Variants in LYZL6 observed in about 807,000 individuals in gnomAD.
LYZL6 encodes lysozyme like 6, also known as lysozyme-like protein 6.
In LYZL6, 21 loss-of-function variants were observed where a neutral mutation model predicts 15.0. That is an observed-to-expected ratio of 1.40 (90% CI 1.00 to 2.02). LYZL6 has a LOEUF of 2.02. LYZL6 is among the 30% of genes most tolerant of loss of function. The pLI is 0.00. For synonymous variants in LYZL6, 72 were observed against 67.8 expected (o/e 1.06, Z -0.31); for missense variants, 173 against 180.5 (o/e 0.96, Z 0.24).
chr17:35,934,808 G>C lies in LYZL6; in HGVS notation c.435C>G (p.Cys145Trp). The change falls in exon 5 of 5, where the codon TGC (cysteine) becomes TGG (tryptophan). Residue 145 changes from cysteine to tryptophan, a missense_variant. Coordinates refer to ENST00000615905, the MANE Select transcript of LYZL6 (RefSeq NM_020426.4). The stretch of plus-strand genomic sequence containing the variant: ...CCCGCACCCTGTTTCATCTCAGGCG[G>C]CATCCTGTCAGCCAGTAGAAGAGTG... ...GRPLFYWLTG[C>W]RLR is the part of the protein sequence containing the mutation. 1 of 1,614,110 alleles carries C rather than the reference G, an allele frequency of 6.2e-7. No homozygotes were observed. The highest frequency in any genetic ancestry group is 8.5e-7 in the Non-Finnish European group (1 of 1,179,992).
chr17:35,934,671 G>C lies in LYZL6; in HGVS notation c.*125C>G. ...CCATTTATTCCTGGGGCTCTGGTCA[G>C]TTTTAGTTGTAAATGGGAAGGGAAG... On this transcript the variant is annotated 3_prime_UTR_variant, in exon 5 of 5. Coordinates refer to ENST00000615905, the MANE Select transcript of LYZL6 (RefSeq NM_020426.4). The C allele has an allele frequency of 1.1e-6, 1 of 915,432 alleles. No individual in the cohort carries two copies. The highest frequency in any genetic ancestry group is 1.7e-6 in the Non-Finnish European group (1 of 588,146). 56.7% of individuals were successfully genotyped at this position (915,432 alleles called of 1,614,324 possible).
chr17:35,936,658 C>CA, intron 4 of LYZL6, 97 bp downstream of exon 4: 1 of 983,574 alleles, frequency 1.0e-6, no homozygotes, highest in African/African-American at 1.6e-5. Flanking sequence ...CTAGACACTG[C>CA]AAGGGCGTGC....
intron 1 of LYZL6, among the ~76,000 whole-genome samples, chr17:35,940,380 T>G (rs2089416500): frequency 6.6e-6 from 1 of 152,186 alleles, no homozygotes; most frequent in South Asian, 2.1e-4. Flanking sequence ...ATGTCTGGAT[T>G]ATCTTGCTGT....
intron 4 of LYZL6, among the ~76,000 whole-genome samples, chr17:35,935,809 G>A (rs997821388): frequency 1.3e-4 from 19 of 149,308 alleles, no homozygotes; most frequent in African/African-American, 3.0e-4. Flanking sequence ...ACTGCGCCCA[G>A]CCGCCACATT....
At chr17:35,935,987 G>GT (rs763846516) in intron 4 of LYZL6, among the ~76,000 whole-genome samples, 24 of 150,314 alleles carry the variant, frequency 1.6e-4, no homozygotes, top group Non-Finnish European at 3.1e-4. Context: ...CTAATTTTTT[G>GT]TATTTTTAAC....
At chr17:35,938,716 T>TA (rs1163438267) in intron 2 of LYZL6, among the ~76,000 whole-genome samples, 1 of 151,284 alleles carries the variant, frequency 6.6e-6, no homozygotes, top group African/African-American at 2.4e-5. Context: ...AAAAGGGAGA[T>TA]ATCCCTTCCA....
At position 35,936,818 on chromosome 17, in the gene LYZL6, T is replaced by G; in HGVS notation, c.314A>C (p.Asn105Thr). The G allele has an allele frequency of 6.2e-7, 1 of 1,613,522 alleles. No individual in the cohort carries two copies. The highest frequency in any genetic ancestry group is 8.5e-7 in the Non-Finnish European group (1 of 1,179,938). The change falls in exon 4 of 5, where the codon AAC becomes ACC. Residue 105 changes from asparagine (N) to threonine (T), a missense_variant. By Grantham distance (65) the Asn-to-Thr change is moderately conservative. Transcript: ENST00000615905. ...HVDCQDLLNP[N>T]LLAGIHCAKR... Reference sequence around the variant, plus strand: ...TGCGCAGTGGATGCCTGCAAGAAGGTTGGGATTCAGCAGATCTGAAAGGGA... The same window carrying G: ...TGCGCAGTGGATGCCTGCAAGAAGGGTGGGATTCAGCAGATCTGAAAGGGA...
In LYZL6 at chr17:35,939,272, G is replaced by T; in HGVS notation, c.85C>A (p.Gln29Lys). ...TCCAAGTCCTCCAGCTGCAGCACCTGGGCCAAGTCACAGCGACTGATGAGG... is the reference window on the plus strand; with the variant it reads ...TCCAAGTCCTCCAGCTGCAGCACCTTGGCCAAGTCACAGCGACTGATGAGG... ...ASLISRCDLA[Q>K]VLQLEDLDGF... Residue 29 changes from glutamine (Q) to lysine (K), a missense_variant, in exon 2 of 5, where the codon CAG (glutamine) becomes AAG (lysine). Coordinates refer to ENST00000615905, the MANE Select transcript of LYZL6 (RefSeq NM_020426.4). The T allele has an allele frequency of 6.2e-7, 1 of 1,614,184 alleles. No homozygotes were observed. Among genetic ancestry groups the T allele is most frequent in the Non-Finnish European group, 8.5e-7 (1 of 1,180,030 alleles).
intron 1 of LYZL6, among the ~76,000 whole-genome samples, chr17:35,943,252 G>C (rs2089437173): frequency 6.6e-6 from 1 of 152,126 alleles, no homozygotes; most frequent in Non-Finnish European, 1.5e-5. Context: ...AGACAATGAG[G>C]CTGCTTCTGT....
At chr17:35,941,611 A>G (rs942699574) in intron 1 of LYZL6, among the ~76,000 whole-genome samples, 2 of 152,188 alleles carry the variant, frequency 1.3e-5, no homozygotes, top group African/African-American at 4.8e-5. Flanking sequence ...AATAAATGAC[A>G]GTAACAGATT....
At chr17:35,936,095 G>T (rs1457670873) in intron 4 of LYZL6, among the ~76,000 whole-genome samples, 1 of 152,196 alleles carries the variant, frequency 6.6e-6, no homozygotes, top group Non-Finnish European at 1.5e-5. Context: ...GATTACAGGC[G>T]TGAGCCACCA....
intron 1 of LYZL6, among the ~76,000 whole-genome samples, chr17:35,942,891 C>T (rs1187739237): frequency 6.6e-6 from 1 of 152,096 alleles, no homozygotes; most frequent in African/African-American, 2.4e-5. Context: ...AACTCTCGCT[C>T]CCAGATAAGC....
intron 4 of LYZL6, 76 bp downstream of exon 4, chr17:35,936,679 T>C: frequency 7.6e-7 from 1 of 1,316,734 alleles, no homozygotes; most frequent in Non-Finnish European, 1.1e-6. Flanking sequence ...CCGTGAGTCC[T>C]TGCCTACTGC....
At position 35,934,527 on chromosome 17, in the gene LYZL6, C is replaced by T. The variant is rs919628058; in HGVS notation, c.*269G>A. The T allele has an allele frequency of 5.7e-5, 26 of 455,734 alleles. No homozygotes were observed. The highest frequency in any genetic ancestry group is 3.5e-4 in the African/African-American group (18 of 51,092). 28.2% of individuals were successfully genotyped at this position (455,734 alleles called of 1,614,324 possible). On this transcript the variant is annotated 3_prime_UTR_variant, in exon 5 of 5. Coordinates refer to ENST00000615905, the MANE Select transcript of LYZL6 (RefSeq NM_020426.4). ...ATAAATGGACACAGTCTTTGCAGAG[C>T]GAGTGCTTTAATATTTCGATAAATA... is the stretch of plus-strand genomic sequence containing the variant.
chr17:35,942,938 G>A (rs182007138), intron 1 of LYZL6, among the ~76,000 whole-genome samples: 2 of 152,254 alleles, frequency 1.3e-5, no homozygotes, highest in East Asian at 1.9e-4. Flanking sequence ...TGATGTGGTC[G>A]GGAATGGGGT....
Position 35,934,679 on chromosome 17 carries a change from T to G in LYZL6, c.*117A>C, listed in dbSNP as rs544055007. 15 of 1,007,756 alleles carry G rather than the reference T, an allele frequency of 1.5e-5. No homozygotes were observed. In the African/African-American group the frequency reaches 2.4e-4, roughly 16 times the overall value. 62.4% of individuals were successfully genotyped at this position (1,007,756 alleles called of 1,614,324 possible). On this transcript the variant is annotated 3_prime_UTR_variant, in exon 5 of 5. Coordinates refer to ENST00000615905, the MANE Select transcript of LYZL6 (RefSeq NM_020426.4). ...TCCTGGGGCTCTGGTCAGTTTTAGTTGTAAATGGGAAGGGAAGAAAATAAC... is the reference window on the plus strand; with the variant it reads ...TCCTGGGGCTCTGGTCAGTTTTAGTGGTAAATGGGAAGGGAAGAAAATAAC...
chr17:35,936,910 G>A, intron 3 of LYZL6, 77 bp from the exon 4 acceptor site: 2 of 1,316,700 alleles, frequency 1.5e-6, no homozygotes, highest in East Asian at 4.6e-5. Flanking sequence ...AGCCCTCCCT[G>A]GACAGCCCTA....
chr17:35,942,353 T>C (rs1000050714), intron 1 of LYZL6, among the ~76,000 whole-genome samples: 1 of 152,172 alleles, frequency 6.6e-6, no homozygotes, highest in Admixed American at 6.5e-5. Context: ...TTTCTGTCAC[T>C]GAGGGAAGGT....
At chr17:35,937,697 G>A (rs969521334) in intron 3 of LYZL6, 61 bp downstream of exon 3, 2 of 1,553,014 alleles carry the variant, frequency 1.3e-6, no homozygotes, top group Non-Finnish European at 1.8e-6. Context: ...GGGAAGAGAA[G>A]TTCTGTGAGC....
Sources: allele counts gnomAD v4.1 joint callset (sites outside exome capture counted in the v4.1 genomes callset), GRCh38; gene constraint gnomAD v4.1.1; transcripts MANE v1.5; gene names NCBI Gene and HGNC (gene_info 2026-07-23, HGNC 2026-07-21).